TCF4: variants seen among roughly 807,000 people sequenced by gnomAD.
TCF4 encodes SL3-3 enhancer factor 2.
In TCF4, 3 loss-of-function variants were observed where a neutral mutation model predicts 82.1. The observed-to-expected ratio is 0.04, with a 90% confidence interval of 0.02 to 0.09. The LOEUF is 0.09. TCF4 is among the 10% of genes least tolerant of loss of function. The pLI, the probability that TCF4 is intolerant of heterozygous loss-of-function variation, is 1.00. For synonymous variants in TCF4, 276 were observed against 309.6 expected (o/e 0.89, Z 1.14); for missense variants, 518 against 852.7 (o/e 0.61, Z 4.89).
chr18:55,511,556 T>C (rs908032171), intron 3 of TCF4, among the ~76,000 whole-genome samples: 5 of 152,144 alleles, frequency 3.3e-5, no homozygotes, highest in Middle Eastern at 3.2e-3. Flanking sequence ...AACAGAGTTC[T>C]AAATTCATTC....
At chr18:55,270,282 C>G (rs546740546) in intron 10 of TCF4, among the ~76,000 whole-genome samples, 10 of 152,044 alleles carry the variant, frequency 6.6e-5, no homozygotes, top group Non-Finnish European at 8.8e-5. Context: ...TAAAAGACCA[C>G]TCTACTATTA....
At chr18:55,397,536 A>G (rs1033776379) in intron 6 of TCF4, among the ~76,000 whole-genome samples, 1 of 152,194 alleles carries the variant, frequency 6.6e-6, no homozygotes, top group African/African-American at 2.4e-5. Context: ...TAAATTACAC[A>G]ATTTAAAAAA....
chr18:55,488,599 A>G (rs1169216177), intron 3 of TCF4, among the ~76,000 whole-genome samples: 1 of 152,126 alleles, frequency 6.6e-6, no homozygotes, highest in Non-Finnish European at 1.5e-5. Context: ...CAGGGCAGGG[A>G]GCCTGATGCT....
intron 8 of TCF4, among the ~76,000 whole-genome samples, chr18:55,317,335 A>G (rs2074391299): frequency 6.6e-6 from 1 of 152,104 alleles, no homozygotes; most frequent in South Asian, 2.1e-4. Context: ...AATAGCAAGT[A>G]AACAGCAATT....
At chr18:55,438,248 T>A (rs1039976670) in intron 5 of TCF4, among the ~76,000 whole-genome samples, 2 of 150,804 alleles carry the variant, frequency 1.3e-5, no homozygotes, top group Non-Finnish European at 3.0e-5. Flanking sequence ...TGACCACAGC[T>A]GCTTCCTAGA....
intron 3 of TCF4, among the ~76,000 whole-genome samples, chr18:55,563,733 C>T (rs899973814): frequency 7.2e-5 from 11 of 152,222 alleles, no homozygotes; most frequent in Admixed American, 1.3e-4. Context: ...GGTAAGAGAA[C>T]GTGACATATG....
chr18:55,288,514 C>T (rs1333711543), intron 8 of TCF4, among the ~76,000 whole-genome samples: 1 of 152,170 alleles, frequency 6.6e-6, no homozygotes, highest in Non-Finnish European at 1.5e-5. Context: ...TTTTTAAGTA[C>T]TACAACCGTA....
chr18:55,594,240 C>A (rs1481868769), intron 2 of TCF4, among the ~76,000 whole-genome samples: 3 of 152,242 alleles, frequency 2.0e-5, no homozygotes, highest in African/African-American at 7.2e-5. Flanking sequence ...CTCCTACAGA[C>A]CTTCCTAACT....
At chr18:55,587,582 G>T (rs1307221276) in intron 1 of TCF4, among the ~76,000 whole-genome samples, 1 of 150,570 alleles carries the variant, frequency 6.6e-6, no homozygotes, top group East Asian at 2.0e-4. Flanking sequence ...CACCCCCCTC[G>T]CACACTCACA....
intron 6 of TCF4, among the ~76,000 whole-genome samples, chr18:55,367,654 T>C (rs2087585005): frequency 6.6e-6 from 1 of 152,208 alleles, no homozygotes; most frequent in South Asian, 2.1e-4. Flanking sequence ...CATTTATGAA[T>C]GTGCAGGAAA....
chr18:55,419,177 C>T (rs2094634812), intron 5 of TCF4, among the ~76,000 whole-genome samples: 2 of 152,162 alleles, frequency 1.3e-5, no homozygotes, highest in African/African-American at 4.8e-5. Context: ...TGTTTCCAAA[C>T]CATCAGTAAA....
At chr18:55,467,745 A>C (rs554441124) in intron 3 of TCF4, among the ~76,000 whole-genome samples, 21 of 152,312 alleles carry the variant, frequency 1.4e-4, no homozygotes, top group African/African-American at 5.1e-4. Context: ...GTACCAGGAC[A>C]CTGCACGGTC....
intron 11 of TCF4, among the ~76,000 whole-genome samples, chr18:55,263,981 T>A (rs2058580577): frequency 6.6e-6 from 1 of 152,008 alleles, no homozygotes; most frequent in African/African-American, 2.4e-5. Context: ...TTTAAACAAC[T>A]TTAAAATGAA....
At chr18:55,251,021 G>C (rs1443294456) in intron 15 of TCF4, among the ~76,000 whole-genome samples, 2 of 152,142 alleles carry the variant, frequency 1.3e-5, no homozygotes, top group East Asian at 3.9e-4. Flanking sequence ...TAAGCAGATA[G>C]GGCTGGACAA....
chr18:55,301,371 C>T (rs1324671506), intron 8 of TCF4, among the ~76,000 whole-genome samples: 1 of 152,172 alleles, frequency 6.6e-6, no homozygotes, highest in Non-Finnish European at 1.5e-5. Flanking sequence ...TTCTTATTAA[C>T]TCGATCGGGC....
chr18:55,533,457 G>T (rs900250280), intron 3 of TCF4, among the ~76,000 whole-genome samples: 1 of 152,278 alleles, frequency 6.6e-6, no homozygotes, highest in African/African-American at 2.4e-5. Context: ...CTGAGAGGGT[G>T]GGTTCTCTGG....
Position 55,260,655 on chromosome 18 carries a change from T to A in TCF4, c.991-628A>T, listed in dbSNP as rs532960432. On this transcript the variant is annotated intron_variant, in intron 12 of 19. Coordinates refer to ENST00000354452, the MANE Select transcript of TCF4 (RefSeq NM_001083962.2). Reference sequence around the variant, plus strand: ...CTCACTGCAACCTCTACCTCCCAGGTTCAAGCGATTCTCCTGCCTCAGTCT... The same window carrying A: ...CTCACTGCAACCTCTACCTCCCAGGATCAAGCGATTCTCCTGCCTCAGTCT... Among the ~76,000 whole-genome samples the A allele has an allele frequency of 2.0e-5, 3 of 152,176 alleles. No homozygotes were observed. In the South Asian group the frequency reaches 6.2e-4, roughly 32 times the overall value.
rs2046095170 is a variant in TCF4 at position 55,223,181 on chromosome 18, A to G, written c.*4854T>C. The G allele has an allele frequency of 1.3e-5, 2 of 152,112 alleles. No homozygotes were observed. Among genetic ancestry groups the G allele is most frequent in the Admixed American group, 6.6e-5 (1 of 15,262 alleles). 9.4% of individuals were successfully genotyped at this position (152,112 alleles called of 1,614,324 possible). On this transcript the variant is annotated 3_prime_UTR_variant, in exon 20 of 20. Transcript: ENST00000354452. The stretch of plus-strand genomic sequence containing the variant: ...ATAGCTTCAGTGTTACACACACATT[A>G]ATTATATTCCTTCAATTAGTTAATC...
At chr18:55,435,935 T>A (rs1015556178) in intron 5 of TCF4, among the ~76,000 whole-genome samples, 1 of 152,160 alleles carries the variant, frequency 6.6e-6, no homozygotes, top group Non-Finnish European at 1.5e-5. Flanking sequence ...AAAGGGTGTA[T>A]CTCCAACACC....
Sources: gnomAD v4.1 joint callset for allele counts (sites outside exome capture counted in the v4.1 genomes callset) on GRCh38, gnomAD v4.1.1 for gene constraint, MANE v1.5 for transcripts, NCBI Gene and HGNC (gene_info 2026-07-23, HGNC 2026-07-21) for gene names.